GRIA3: variants seen among roughly 807,000 people sequenced by gnomAD.
GRIA3 encodes glutamate receptor 3.
In GRIA3, 3 loss-of-function variants were observed where a neutral mutation model predicts 63.0. The observed-to-expected ratio is 0.05, with a 90% CI of 0.02 to 0.12. GRIA3 has a LOEUF of 0.12. Ranked by LOEUF, GRIA3 falls within the 10% of genes least tolerant of loss-of-function variation. The probability of loss-of-function intolerance (pLI) is 1.00; values close to 1 mark genes in which losing one functional copy is unlikely to be tolerated. For missense variants in GRIA3, 347 were observed against 700.9 expected (o/e 0.50, Z 5.70); for synonymous variants, 274 against 257.9 (o/e 1.06, Z -0.60).
intron 2 of GRIA3, among the ~76,000 whole-genome samples, chrX:123,241,269 C>T (rs984123476): frequency 9.0e-6 from 1 of 110,810 alleles, no homozygotes; most frequent in Non-Finnish European, 1.9e-5. Flanking sequence ...CCCTAGAGGC[C>T]GAGTCAAAAC....
intron 3 of GRIA3, among the ~76,000 whole-genome samples, chrX:123,314,304 C>T (rs962646620): frequency 2.7e-5 from 3 of 111,848 alleles, no homozygotes; most frequent in Non-Finnish European, 5.6e-5. Context: ...CTCAACAGTC[C>T]ATGGAGAAAC....
intron 15 of GRIA3, among the ~76,000 whole-genome samples, chrX:123,486,588 TA>T (rs1462286736): frequency 8.9e-6 from 1 of 112,428 alleles, no homozygotes; most frequent in African/African-American, 3.2e-5. Flanking sequence ...TCAAGAGGCA[TA>T]AAGCAAGCTG....
chrX:123,310,406 T>C (rs1260291180), intron 3 of GRIA3, among the ~76,000 whole-genome samples: 1 of 112,972 alleles, frequency 8.9e-6, no homozygotes, highest in Non-Finnish European at 1.9e-5. Context: ...CTAGTGCCAG[T>C]CAGCTTACTT....
intron 12 of GRIA3, among the ~76,000 whole-genome samples, chrX:123,462,703 C>G (rs1049362694): frequency 5.4e-5 from 6 of 111,100 alleles, no homozygotes; most frequent in African/African-American, 2.0e-4. Context: ...AAGCAGGCCC[C>G]AAGAAAGATG....
At chrX:123,305,778 G>A (rs2044751124) in intron 3 of GRIA3, among the ~76,000 whole-genome samples, 1 of 112,236 alleles carries the variant, frequency 8.9e-6, no homozygotes, top group South Asian at 3.7e-4. Context: ...GTATAAAATA[G>A]GTTACACAAT....
chrX:123,403,076 T>C lies in GRIA3; in HGVS notation c.1163T>C (p.Met388Thr). 1 of 1,126,958 alleles carries C rather than the reference T, an allele frequency of 8.9e-7. No individual in the cohort carries two copies. The allele number at this position is 1,126,958 out of a possible 1,213,427, so 92.9% of individuals were successfully genotyped here. A position where few individuals can be genotyped will look rare whatever the true frequency, so the allele number is the denominator to read the frequency against. ...AATTATACCATCGATGTGTATGAAA[T>C]GAAAGTCAGTGGCTCTCGAAAAGTA... is the stretch of plus-strand genomic sequence containing the variant. Reference protein sequence around the residue: ...RTNYTIDVYEMKVSGSRKAGY... With the variant: ...RTNYTIDVYETKVSGSRKAGY... The change falls in exon 8 of 16, where the codon ATG becomes ACG. Residue 388 changes from methionine to threonine, a missense_variant. Physicochemically the swap from Met to Thr is moderately conservative, Grantham distance 81. Around this residue, in one of 8 missense-constraint regions of GRIA3, gnomAD observed 65 missense variants for 145.8 expected, o/e 0.45. Transcript: ENST00000620443.
At chrX:123,416,216 G>A (rs1437230945) in intron 10 of GRIA3, among the ~76,000 whole-genome samples, 1 of 111,919 alleles carries the variant, frequency 8.9e-6, no homozygotes, top group African/African-American at 3.3e-5. Context: ...ACTAATTAAG[G>A]AGTATTCCTC....
chrX:123,357,792 T>C (rs1274672628), intron 5 of GRIA3, among the ~76,000 whole-genome samples: 3 of 111,316 alleles, frequency 2.7e-5, no homozygotes, highest in Admixed American at 9.6e-5. Context: ...AATAAAGTAA[T>C]GTATAGTATG....
At chrX:123,446,101 A>T (rs1193577922) in intron 12 of GRIA3, among the ~76,000 whole-genome samples, 1 of 111,623 alleles carries the variant, frequency 9.0e-6, no homozygotes, top group Non-Finnish European at 1.9e-5. Context: ...TCCTTTACAC[A>T]CACTGGTCAT....
rs1482694263 is a variant in GRIA3 at position 123,198,412 on chromosome X, C to G, written c.268+12422C>G. Among the ~76,000 whole-genome samples, 4 of 111,646 alleles carry G rather than the reference C, an allele frequency of 3.6e-5. No homozygotes were observed. The East Asian group carries it at 1.1e-3, about 31-fold the overall frequency. The stretch of plus-strand genomic sequence containing the variant: ...GGGATCATCCACGTAAAATATTGAC[C>G]ATAATGTCTAACATATGTGTTCAAT... On this transcript the variant is annotated intron_variant, in intron 2 of 15. Coordinates refer to ENST00000620443, the MANE Select transcript of GRIA3 (RefSeq NM_007325.5).
At chrX:123,211,882 C>T (rs1928050741) in intron 2 of GRIA3, among the ~76,000 whole-genome samples, 1 of 111,555 alleles carries the variant, frequency 9.0e-6, no homozygotes, top group Non-Finnish European at 1.9e-5. Flanking sequence ...TCCACCCTAC[C>T]TAAGTGCTTC....
At chrX:123,239,172 G>A (rs1397245047) in intron 2 of GRIA3, among the ~76,000 whole-genome samples, 2 of 109,821 alleles carry the variant, frequency 1.8e-5, no homozygotes, top group Admixed American at 9.7e-5. Flanking sequence ...TTGTCTCTGC[G>A]TTCAAATGCC....
At position 123,326,232 on chromosome X, in the gene GRIA3, T is replaced by G; in HGVS notation, c.696+19T>G. Reference sequence around the variant, plus strand: ...GGAACAGGTACGTTTGAGATTTATTTCACCGCCAGCCAACATGTTAAATTA... The same window carrying G: ...GGAACAGGTACGTTTGAGATTTATTGCACCGCCAGCCAACATGTTAAATTA... On this transcript the variant is annotated intron_variant, in intron 4 of 15. Coordinates refer to ENST00000620443, the MANE Select transcript of GRIA3 (RefSeq NM_007325.5). 3 of 1,161,490 alleles carry G rather than the reference T, an allele frequency of 2.6e-6. No homozygotes were observed. Among genetic ancestry groups the G allele is most frequent in the Non-Finnish European group, 3.5e-6 (3 of 849,842 alleles).
At chrX:123,462,771 G>C (rs2045800157) in intron 12 of GRIA3, among the ~76,000 whole-genome samples, 1 of 111,655 alleles carries the variant, frequency 9.0e-6, no homozygotes, top group Non-Finnish European at 1.9e-5. Flanking sequence ...AAGAAAGTTG[G>C]GGTGGGGGCC....
intron 2 of GRIA3, among the ~76,000 whole-genome samples, chrX:123,208,046 G>A (rs1243663481): frequency 8.9e-6 from 1 of 112,103 alleles, no homozygotes; most frequent in Admixed American, 9.4e-5. Flanking sequence ...ACAAACAATA[G>A]AAGATGATTA....
At chrX:123,265,239 C>A (rs1344207652) in intron 3 of GRIA3, among the ~76,000 whole-genome samples, 1 of 111,781 alleles carries the variant, frequency 8.9e-6, no homozygotes, top group Non-Finnish European at 1.9e-5. Flanking sequence ...ACAATTGACC[C>A]TTAAATAACA....
At chrX:123,383,674 C>T (rs1163557201) in intron 5 of GRIA3, among the ~76,000 whole-genome samples, 3 of 111,023 alleles carry the variant, frequency 2.7e-5, no homozygotes, top group Non-Finnish European at 3.8e-5. Flanking sequence ...TTTTTGAAGG[C>T]CATTAAACTT....
At chrX:123,208,016 A>T (rs1453121926) in intron 2 of GRIA3, among the ~76,000 whole-genome samples, 1 of 112,388 alleles carries the variant, frequency 8.9e-6, no homozygotes, top group Non-Finnish European at 1.9e-5. Context: ...TGCTGCTCAG[A>T]AGCCAGCTCA....
chrX:123,355,691 ATTAAG>A (rs2045127953), intron 5 of GRIA3, among the ~76,000 whole-genome samples: 1 of 111,926 alleles, frequency 8.9e-6, no homozygotes, highest in African/African-American at 3.2e-5. Flanking sequence ...CTAAAAATCT[ATTAAG>A]TTATTACATG....
Sources: allele counts gnomAD v4.1 joint callset (sites outside exome capture counted in the v4.1 genomes callset), GRCh38; gene constraint gnomAD v4.1.1; regional missense constraint gnomAD v4.1.1; transcripts MANE v1.5; gene names NCBI Gene and HGNC (gene_info 2026-07-23, HGNC 2026-07-21).